Variants in PLEKHA5 observed in about 807,000 individuals in gnomAD.
The protein encoded by PLEKHA5 is pleckstrin homology domain-containing family A member 5.
PLEKHA5 carries 55 observed loss-of-function variants against 181.9 expected under a neutral mutation model. The ratio of observed to expected loss-of-function variants is 0.30; its 90% CI spans 0.24 to 0.38. The LOEUF (loss-of-function observed/expected upper bound fraction) is 0.38, where lower values mean the gene tolerates loss of function less well. Ranked by LOEUF, PLEKHA5 falls within the 10% of genes least tolerant of loss-of-function variation. The pLI, the probability that PLEKHA5 is intolerant of heterozygous loss-of-function variation, is 1.00. For missense variants in PLEKHA5, 1,432 were observed against 1,549.5 expected (o/e 0.92, Z 1.27); for synonymous variants, 535 against 529.4 (o/e 1.01, Z -0.15).
At chr12:19,310,970 C>G (rs2086278592) in intron 15 of PLEKHA5, among the ~76,000 whole-genome samples, 1 of 152,152 alleles carries the variant, frequency 6.6e-6, no homozygotes, top group East Asian at 1.9e-4. Context: ...TTGATGCTTG[C>G]TAACTGATCA....
chr12:19,300,783 AAC>A (rs2081258787), intron 15 of PLEKHA5, among the ~76,000 whole-genome samples: 1 of 152,170 alleles, frequency 6.6e-6, no homozygotes, highest in Non-Finnish European at 1.5e-5. Flanking sequence ...ACTTTGTAAG[AAC>A]ACAGTTAACC....
At chr12:19,163,407 G>A (rs1366587969) in intron 3 of PLEKHA5, among the ~76,000 whole-genome samples, 1 of 152,060 alleles carries the variant, frequency 6.6e-6, no homozygotes, top group East Asian at 1.9e-4. Flanking sequence ...TCAATCTCCT[G>A]ACCTCGTGAT....
chr12:19,356,743 C>G (rs2094952990), intron 26 of PLEKHA5, among the ~76,000 whole-genome samples: 1 of 147,132 alleles, frequency 6.8e-6, no homozygotes, highest in Non-Finnish European at 1.5e-5. Context: ...TCATTGCAAC[C>G]TCTGCCTCCC....
At chr12:19,182,827 A>G (rs1014843656) in intron 3 of PLEKHA5, among the ~76,000 whole-genome samples, 1 of 152,212 alleles carries the variant, frequency 6.6e-6, no homozygotes, top group Non-Finnish European at 1.5e-5. Context: ...ACTGAATAGG[A>G]TAAGGTTTCT....
chr12:19,325,834 C>T (rs1265250255), intron 20 of PLEKHA5, among the ~76,000 whole-genome samples: 3 of 151,332 alleles, frequency 2.0e-5, no homozygotes, highest in African/African-American at 4.9e-5. Context: ...ATGGAGAAAC[C>T]CCACCTCTAC....
chr12:19,253,952 G>T lies in PLEKHA5; in HGVS notation c.240G>T (p.Arg80Ser). 1 of 1,599,078 alleles carries T rather than the reference G, an allele frequency of 6.3e-7. No individual in the cohort carries two copies. ...GARYYINHNE[R>S]KVTCKHPVTG... ...TTCCTTTTTTCAGCCATAATGAAAG[G>T]AAAGTGACCTGCAAACATCCAGTCA... Residue 80 changes from arginine to serine, a missense_variant, in exon 4 of 32, where the codon AGG becomes AGT. By Grantham distance (110) the Arg-to-Ser change is moderately radical (BLOSUM62 -1). Coordinates refer to ENST00000429027, the MANE Select transcript of PLEKHA5 (RefSeq NM_001256470.2).
chr12:19,368,568 G>A (rs943646260), intron 30 of PLEKHA5, among the ~76,000 whole-genome samples: 1 of 152,102 alleles, frequency 6.6e-6, no homozygotes, highest in Non-Finnish European at 1.5e-5. Flanking sequence ...TGAGGCAGGT[G>A]GATCACCTGA....
intron 20 of PLEKHA5, among the ~76,000 whole-genome samples, chr12:19,335,582 ATT>A (rs34158055): frequency 0.091 from 9,815 of 108,162 alleles, 438 homozygotes; most frequent in African/African-American, 0.13. Flanking sequence ...CGCCTGGCTA[ATT>A]TTTTTTTTTT....
chr12:19,273,959 G>A (rs1394372850), intron 10 of PLEKHA5, among the ~76,000 whole-genome samples: 1 of 152,340 alleles, frequency 6.6e-6, no homozygotes, highest in Non-Finnish European at 1.5e-5. Flanking sequence ...GAACAGAGTT[G>A]CAAGCTGGAC....
intron 3 of PLEKHA5, among the ~76,000 whole-genome samples, chr12:19,199,124 A>T (rs1297020821): frequency 6.6e-6 from 1 of 152,180 alleles, no homozygotes; most frequent in Non-Finnish European, 1.5e-5. Flanking sequence ...TTTTATGGAA[A>T]TATGTTTTAA....
intron 3 of PLEKHA5, among the ~76,000 whole-genome samples, chr12:19,191,791 C>T (rs1020744942): frequency 4.6e-5 from 7 of 152,082 alleles, no homozygotes; most frequent in African/African-American, 1.7e-4. Context: ...TGGAGGATCA[C>T]GTGTCTGGCA....
In PLEKHA5 at chr12:19,369,181, C is replaced by T. The variant is rs1188495589; in HGVS notation, c.3755-512C>T. On this transcript the variant is annotated intron_variant, in intron 30 of 31. Coordinates refer to ENST00000429027, the MANE Select transcript of PLEKHA5 (RefSeq NM_001256470.2). ...TCCTAAGTAGCTAGGACTACAGGCA[C>T]GAGCTACCATGTCTGACTAATTTTT... is the stretch of plus-strand genomic sequence containing the variant. Among the ~76,000 whole-genome samples, 3 of 151,802 alleles carry T rather than the reference C, an allele frequency of 2.0e-5. No individual in the cohort carries two copies. In the East Asian group the frequency reaches 5.9e-4, roughly 30 times the overall value.
chr12:19,262,713 G>GGGGATCACAGTGGATA, intron 7 of PLEKHA5, among the ~76,000 whole-genome samples: 1 of 152,146 alleles, frequency 6.6e-6, no homozygotes, highest in African/African-American at 2.4e-5. Context: ...ATAAAGATGA[G>GGGGATCACAGTGGATA]AACAGTAGAC....
intron 1 of PLEKHA5, 26 bp downstream of exon 1, chr12:19,129,914 G>A (rs1357796526): frequency 6.3e-7 from 1 of 1,578,742 alleles, no homozygotes; most frequent in Non-Finnish European, 8.6e-7. Context: ...CGGCACGGGG[G>A]CCCGCGGGGG....
chr12:19,334,183 G>T (rs556180704), intron 20 of PLEKHA5, among the ~76,000 whole-genome samples: 1 of 151,992 alleles, frequency 6.6e-6, no homozygotes, highest in Non-Finnish European at 1.5e-5. Context: ...TCCTTTCCTC[G>T]CTGTCCTCTG....
rs1010413156 is a variant in PLEKHA5, at chr12:19,352,199, C to T, written c.3020-1685C>T. 6.0e-5 allele frequency among the ~76,000 whole-genome samples: 9 copies of T among 150,820 alleles called. 1 individual carries two copies. The highest frequency in any genetic ancestry group is 1.2e-4 in the African/African-American group (5 of 40,990). ...AAGAGTTCAAGACCAGCCTGGACAA[C>T]GTGGCAAGATCCTGTCTGTCTCTAC... is the stretch of plus-strand genomic sequence containing the variant. On this transcript the variant is annotated intron_variant, in intron 25 of 31. Coordinates refer to ENST00000429027, the MANE Select transcript of PLEKHA5 (RefSeq NM_001256470.2).
At chr12:19,176,882 T>C (rs567180709) in intron 3 of PLEKHA5, among the ~76,000 whole-genome samples, 1 of 152,290 alleles carries the variant, frequency 6.6e-6, no homozygotes, top group East Asian at 1.9e-4. Flanking sequence ...TTTTTTCTTT[T>C]GAGACAGAGT....
chr12:19,130,257 GC>G lies in PLEKHA5; in HGVS notation c.169+128del, dbSNP rs1230268144. ...GGCGGCGAGGCGGGGCGGAGGCCGGGCGGGAGCGGCCGCAGGTAGAGGGGCC... is the reference window on the plus strand; with the variant it reads ...GGCGGCGAGGCGGGGCGGAGGCCGGGGGGAGCGGCCGCAGGTAGAGGGGCC... On this transcript the variant is annotated intron_variant, in intron 2 of 31. Coordinates refer to ENST00000429027, the MANE Select transcript of PLEKHA5 (RefSeq NM_001256470.2). This position sits in a 1 kb window ranked among gnomAD's most constrained non-coding sequence, Gnocchi z 4.5. 3 of 422,674 alleles carry G rather than the reference GC, an allele frequency of 7.1e-6. No individual in the cohort carries two copies. The highest frequency in any genetic ancestry group is 6.4e-5 in the African/African-American group (3 of 47,004). 26.2% of individuals were successfully genotyped at this position (422,674 alleles called of 1,614,324 possible).
rs996167927 is a variant in PLEKHA5 at position 19,272,614 on chromosome 12, A to G, written c.846-1902A>G. 3.3e-5 allele frequency among the ~76,000 whole-genome samples: 5 copies of G among 152,000 alleles called. 1 individual carries two copies. Among genetic ancestry groups the G allele is most frequent in the African/African-American group, 7.2e-5 (3 of 41,480 alleles). ...TAGCTAGGTGTGGTGGCGTGTACCT[A>G]TAGTCCCGGCTGCTCGGGAGGCTGA... is the stretch of plus-strand genomic sequence containing the variant. On this transcript the variant is annotated intron_variant, in intron 10 of 31. Transcript: ENST00000429027.
Sources: gnomAD v4.1 joint callset for allele counts (sites outside exome capture counted in the v4.1 genomes callset) on GRCh38, gnomAD v4.1.1 for gene constraint, Gnocchi (gnomAD v3.1) non-coding constraint, MANE v1.5 for transcripts, NCBI Gene and HGNC (gene_info 2026-07-23, HGNC 2026-07-21) for gene names.